MAPKAP1: variants seen among roughly 807,000 people sequenced by gnomAD.
The protein encoded by MAPKAP1 is MAPK associated protein 1, also known as target of rapamycin complex 2 subunit MAPKAP1.
Under a neutral mutation model 65.7 loss-of-function variants are expected in MAPKAP1, and 20 were observed. That is an observed-to-expected ratio of 0.30 (90% CI 0.21 to 0.44). The LOEUF is 0.44. Ranked by LOEUF, MAPKAP1 falls within the 20% of genes least tolerant of loss-of-function variation. MAPKAP1 has a pLI of 1.00. For missense variants in MAPKAP1, 423 were observed against 648.0 expected, an observed-to-expected ratio of 0.65 and a Z score of 3.77; for synonymous variants, 222 against 244.3, an observed-to-expected ratio of 0.91 and a Z score of 0.85.
intron 4 of MAPKAP1, among the ~76,000 whole-genome samples, chr9:125,597,174 A>T (rs1832157466): frequency 6.9e-6 from 1 of 144,302 alleles, no homozygotes. Flanking sequence ...CTGAGGCAGG[A>T]GAATGGCGTG....
In MAPKAP1 at chr9:125,596,420, C is replaced by A. The variant is rs955040477; in HGVS notation, c.499-10693G>T. The A allele has an allele frequency of 6.0e-5, 48 of 804,886 alleles. No individual in the cohort carries two copies. The African/African-American group carries it at 7.7e-4, about 13-fold the overall frequency. 49.9% of individuals were successfully genotyped at this position (804,886 alleles called of 1,614,324 possible). On this transcript the variant is annotated intron_variant, in intron 4 of 11. Transcript: ENST00000265960. ...ATAATGGATTTGGTACTGATGGAAGCAATTTTGGAGGGTGGTGGAAGCTAC... is the reference window on the plus strand; with the variant it reads ...ATAATGGATTTGGTACTGATGGAAGAAATTTTGGAGGGTGGTGGAAGCTAC...
At chr9:125,605,684 G>A (rs1158464407) in intron 4 of MAPKAP1, among the ~76,000 whole-genome samples, 1 of 152,182 alleles carries the variant, frequency 6.6e-6, no homozygotes, top group Non-Finnish European at 1.5e-5. Flanking sequence ...AACTTTGCAG[G>A]TGCTGCAGTC....
chr9:125,661,442 G>A (rs923406058), intron 3 of MAPKAP1, among the ~76,000 whole-genome samples: 9 of 152,290 alleles, frequency 5.9e-5, no homozygotes, highest in Middle Eastern at 3.4e-3. Flanking sequence ...GCATGGGTTG[G>A]CACTGGTACA....
chr9:125,678,662 G>A (rs978228552), intron 1 of MAPKAP1, among the ~76,000 whole-genome samples: 2 of 152,152 alleles, frequency 1.3e-5, no homozygotes, highest in African/African-American at 4.8e-5. Flanking sequence ...TTTGGATACT[G>A]TTCCCAGATT....
At chr9:125,646,239 C>G (rs1263207396) in intron 4 of MAPKAP1, among the ~76,000 whole-genome samples, 1 of 151,966 alleles carries the variant, frequency 6.6e-6, no homozygotes, top group Non-Finnish European at 1.5e-5. Context: ...AAAACTAATA[C>G]AGAGGTAGAG....
At chr9:125,604,712 T>G (rs1185313445) in intron 4 of MAPKAP1, among the ~76,000 whole-genome samples, 1 of 152,176 alleles carries the variant, frequency 6.6e-6, no homozygotes, top group African/African-American at 2.4e-5. Context: ...CCAATAGTAT[T>G]GAAAGTGCAA....
chr9:125,673,944 AAAAAC>A (rs1588061267), intron 1 of MAPKAP1, among the ~76,000 whole-genome samples: 1 of 54,602 alleles, frequency 1.8e-5, no homozygotes, highest in Admixed American at 2.7e-4. Context: ...CCTGTCTTCT[AAAAAC>A]AAAACAAAAC....
intron 7 of MAPKAP1, among the ~76,000 whole-genome samples, chr9:125,540,545 G>A (rs1830213528): frequency 6.6e-6 from 1 of 152,214 alleles, no homozygotes; most frequent in Non-Finnish European, 1.5e-5. Flanking sequence ...CGTTCAGTAA[G>A]GGTAGCAAAG....
At chr9:125,573,010 T>C (rs1831282845) in intron 5 of MAPKAP1, 2 of 148,430 alleles carry the variant, frequency 1.3e-5, no homozygotes. Context: ...GGCAGGAATA[T>C]CATAATCGCT....
At position 125,625,091 on chromosome 9, in the gene MAPKAP1, C is replaced by T. The variant is rs1346360531; in HGVS notation, c.498+32560G>A. ...CTCCCTAATCTCAAGTACCCAGGGA[C>T]ACAAACGCTGCGGAAGGCCGCAGGG... On this transcript the variant is annotated intron_variant, in intron 4 of 11. Transcript: ENST00000265960. Among the ~76,000 whole-genome samples, 3 of 83,524 alleles carry T rather than the reference C, an allele frequency of 3.6e-5. 1 individual carries two copies. Among genetic ancestry groups the T allele is most frequent in the South Asian group, 5.6e-4 (1 of 1,774 alleles). 54.8% of individuals were successfully genotyped at this position (83,524 alleles called of 152,430 possible).
intron 4 of MAPKAP1, among the ~76,000 whole-genome samples, chr9:125,633,577 T>C (rs1410303379): frequency 6.6e-6 from 1 of 152,214 alleles, no homozygotes; most frequent in Admixed American, 6.5e-5. Context: ...GCAATTTTGA[T>C]GCAAAGTACT....
intron 10 of MAPKAP1, among the ~76,000 whole-genome samples, chr9:125,466,376 T>G (rs931612923): frequency 2.0e-5 from 3 of 152,202 alleles, no homozygotes; most frequent in Admixed American, 6.5e-5. Flanking sequence ...AGTGTTTTAC[T>G]GGTGCAGTGA....
chr9:125,532,870 T>G (rs1829971470), intron 7 of MAPKAP1, among the ~76,000 whole-genome samples: 2 of 152,226 alleles, frequency 1.3e-5, no homozygotes, highest in African/African-American at 4.8e-5. Flanking sequence ...TTAATAAACA[T>G]TTAACTAAAA....
rs868862882 is a variant in MAPKAP1, at chr9:125,443,692, G to A, written c.1443+809C>T. Among the ~76,000 whole-genome samples, 406 of 68,946 alleles carry A rather than the reference G, an allele frequency of 5.9e-3. 4 individuals carry two copies. The highest frequency in any genetic ancestry group is 8.6e-3 in the African/African-American group (147 of 17,048). The allele number at this position is 68,946 out of a possible 152,430, so 45.2% of individuals were successfully genotyped here. ...TGCACGGCCTAGCCCCGCCAGCCCC[G>A]CCAGCTCCCCCAGCCCCCCCAGCCC... On this transcript the variant is annotated intron_variant, in intron 11 of 11. Coordinates refer to ENST00000265960, the MANE Select transcript of MAPKAP1 (RefSeq NM_001006617.3).
At chr9:125,544,027 C>CTT (rs35231965) in intron 6 of MAPKAP1, among the ~76,000 whole-genome samples, 18 of 150,446 alleles carry the variant, frequency 1.2e-4, no homozygotes, top group Admixed American at 4.0e-4. Context: ...CATACACACA[C>CTT]TTTTTTTTTT....
intron 5 of MAPKAP1, chr9:125,573,168 T>C (rs1001027185): frequency 6.7e-6 from 1 of 149,056 alleles, no homozygotes; most frequent in African/African-American, 2.6e-5. Context: ...CTGGGTAAAA[T>C]GAGGCTGAAA....
rs368492108 is a variant in MAPKAP1 at position 125,666,109 on chromosome 9, T to C, written c.349+3709A>G. Among the ~76,000 whole-genome samples, 11 of 152,256 alleles carry C rather than the reference T, an allele frequency of 7.2e-5. No individual in the cohort carries two copies. The East Asian group carries it at 9.6e-4, about 13-fold the overall frequency. ...TTAAAATAATAAAATTAAAGATATT[T>C]GGATCTTAATATGACATTATTCCTA... On this transcript the variant is annotated intron_variant, in intron 3 of 11. Coordinates refer to ENST00000265960, the MANE Select transcript of MAPKAP1 (RefSeq NM_001006617.3).
chr9:125,665,957 T>C (rs898254158), intron 3 of MAPKAP1, among the ~76,000 whole-genome samples: 3 of 152,246 alleles, frequency 2.0e-5, no homozygotes, highest in African/African-American at 7.2e-5. Context: ...AGAGGATTCA[T>C]GTAGTCCTCC....
chr9:125,685,381 A>C (rs1834944852), intron 1 of MAPKAP1, among the ~76,000 whole-genome samples: 2 of 152,230 alleles, frequency 1.3e-5, no homozygotes. Context: ...TAGGTCTGCC[A>C]AGCAGAGGGG....
Sources: gnomAD v4.1 joint callset for allele counts (sites outside exome capture counted in the v4.1 genomes callset) on GRCh38, gnomAD v4.1.1 for gene constraint, MANE v1.5 for transcripts, NCBI Gene and HGNC (gene_info 2026-07-23, HGNC 2026-07-21) for gene names.